CSMD1: variants seen among roughly 807,000 people sequenced by gnomAD.
CSMD1 encodes the protein CUB and sushi domain-containing protein 1.
In CSMD1, 213 loss-of-function variants were observed where a neutral mutation model predicts 417.5. The ratio of observed to expected loss-of-function variants is 0.51; its 90% CI spans 0.46 to 0.57. The LOEUF is 0.57. Among genes scored for constraint, CSMD1 ranks in the 20% least tolerant of loss-of-function variants. The pLI, the probability that CSMD1 is intolerant of heterozygous loss-of-function variation, is 0.00. For missense variants in CSMD1, 6,923 were observed against 4,529.7 expected (o/e 1.53, Z -15.17); for synonymous variants, 2,862 against 1,736.8 (o/e 1.65, Z -16.11).
chr8:3,280,389 A>G (rs950161080), intron 26 of CSMD1, among the ~76,000 whole-genome samples: 2 of 152,234 alleles, frequency 1.3e-5, no homozygotes, highest in African/African-American at 2.4e-5. Context: ...TCACATTTCC[A>G]GAGTTGTAGT....
chr8:4,965,202 G>A (rs889339781), intron 1 of CSMD1, among the ~76,000 whole-genome samples: 1 of 152,148 alleles, frequency 6.6e-6, no homozygotes, highest in Non-Finnish European at 1.5e-5. Flanking sequence ...CACATGAAGG[G>A]CCTCTGATAT....
chr8:3,003,849 G>C (rs987227777), intron 52 of CSMD1, among the ~76,000 whole-genome samples: 1 of 152,152 alleles, frequency 6.6e-6, no homozygotes, highest in Admixed American at 6.5e-5. Context: ...AGACATTCTA[G>C]CCACAGAAAT....
intron 2 of CSMD1, among the ~76,000 whole-genome samples, chr8:4,584,555 C>G (rs1183929899): frequency 2.0e-5 from 3 of 152,120 alleles, no homozygotes; most frequent in African/African-American, 7.2e-5. Flanking sequence ...TTGCCTAGAA[C>G]CAGCTTCCGC....
intron 5 of CSMD1, among the ~76,000 whole-genome samples, chr8:3,928,336 G>A (rs531664782): frequency 6.6e-6 from 1 of 152,094 alleles, no homozygotes; most frequent in South Asian, 2.1e-4. Context: ...CCAGGACTGA[G>A]TGGTAAACAA....
chr8:3,319,579 G>A (rs1052129711), intron 23 of CSMD1, among the ~76,000 whole-genome samples: 9 of 151,908 alleles, frequency 5.9e-5, no homozygotes, highest in Admixed American at 2.0e-4. Context: ...AAACACTTCC[G>A]CACACATTCA....
At chr8:3,473,351 G>T (rs1191341570) in intron 11 of CSMD1, among the ~76,000 whole-genome samples, 1 of 152,134 alleles carries the variant, frequency 6.6e-6, no homozygotes, top group Non-Finnish European at 1.5e-5. Context: ...ATATTTATGA[G>T]AAGAACTGTA....
chr8:3,752,700 A>AAAAAC (rs1797417240), intron 6 of CSMD1, among the ~76,000 whole-genome samples: 3 of 151,004 alleles, frequency 2.0e-5, no homozygotes, highest in African/African-American at 4.9e-5. Context: ...AAAAAAAAAA[A>AAAAAC]AAAACATATT....
At chr8:3,641,790 CA>C (rs1409465702) in intron 7 of CSMD1, among the ~76,000 whole-genome samples, 20 of 152,186 alleles carry the variant, frequency 1.3e-4, no homozygotes, top group African/African-American at 4.8e-4. Flanking sequence ...TCCTGGTTCT[CA>C]AAAAACCATC....
chr8:3,793,229 T>C (rs1332074783), intron 5 of CSMD1, among the ~76,000 whole-genome samples: 1 of 152,228 alleles, frequency 6.6e-6, no homozygotes, highest in Non-Finnish European at 1.5e-5. Context: ...GTCTAAGTCC[T>C]GTTCCAGACC....
intron 3 of CSMD1, among the ~76,000 whole-genome samples, chr8:4,115,391 G>A (rs529065643): frequency 2.6e-5 from 4 of 152,120 alleles, no homozygotes; most frequent in African/African-American, 7.2e-5. Flanking sequence ...ATTTTCATAT[G>A]CACTAAGCCA....
chr8:3,913,581 C>T (rs370312458), intron 5 of CSMD1, among the ~76,000 whole-genome samples: 8 of 152,126 alleles, frequency 5.3e-5, no homozygotes, highest in African/African-American at 1.9e-4. Flanking sequence ...TCAGTGAGTT[C>T]CAGTGCATTT....
intron 1 of CSMD1, among the ~76,000 whole-genome samples, chr8:4,671,503 T>G (rs991606759): frequency 6.6e-6 from 1 of 152,202 alleles, no homozygotes; most frequent in Non-Finnish European, 1.5e-5. Flanking sequence ...ATAGCAGTGA[T>G]GTCGGCAAAG....
intron 2 of CSMD1, among the ~76,000 whole-genome samples, chr8:4,516,200 C>G (rs978262614): frequency 6.6e-5 from 10 of 152,040 alleles, no homozygotes; most frequent in Admixed American, 6.6e-4. Context: ...GATAAGAACC[C>G]AGACACACAC....
In CSMD1 at chr8:3,075,857, T is replaced by C. The variant is rs576663771; in HGVS notation, c.7474+11240A>G. ...GAGATCGAGACCATCCTGGGTAACA[T>C]GGGGAAACACTGTCTCTACTAAAAA... On this transcript the variant is annotated intron_variant, in intron 49 of 69. Transcript: ENST00000635120. Among the ~76,000 whole-genome samples the C allele has an allele frequency of 1.3e-4, 18 of 143,274 alleles. No individual in the cohort carries two copies. The South Asian group carries it at 1.5e-3, about 12-fold the overall frequency. 94.0% of individuals were successfully genotyped at this position (143,274 alleles called of 152,430 possible). A position where few individuals can be genotyped will look rare whatever the true frequency, so the allele number is the denominator to read the frequency against.
intron 21 of CSMD1, among the ~76,000 whole-genome samples, chr8:3,352,621 C>T (rs1808492006): frequency 6.6e-6 from 1 of 152,146 alleles, no homozygotes; most frequent in Admixed American, 6.5e-5. Flanking sequence ...AGGCAGATCA[C>T]CTGAAGTCAG....
At chr8:3,198,353 A>T (rs1796812673) in intron 33 of CSMD1, among the ~76,000 whole-genome samples, 1 of 152,218 alleles carries the variant, frequency 6.6e-6, no homozygotes, top group African/African-American at 2.4e-5. Context: ...CTTTGGTCTA[A>T]ACGTGATTCT....
chr8:4,405,762 G>C (rs547312924), intron 3 of CSMD1, among the ~76,000 whole-genome samples: 2 of 152,164 alleles, frequency 1.3e-5, no homozygotes, highest in Admixed American at 6.5e-5. Context: ...CCCAGAAACA[G>C]TTTAAGCTGT....
chr8:4,939,333 C>T (rs578081991), intron 1 of CSMD1, among the ~76,000 whole-genome samples: 25 of 152,266 alleles, frequency 1.6e-4, no homozygotes, highest in Admixed American at 1.0e-3. Context: ...TATGTCGAGG[C>T]GGTATCTGCA....
intron 30 of CSMD1, among the ~76,000 whole-genome samples, chr8:3,209,633 AATTGTT>A (rs1267127322): frequency 6.6e-6 from 1 of 152,176 alleles, no homozygotes; most frequent in African/African-American, 2.4e-5. Context: ...AATTCTTAAT[AATTGTT>A]ATGTCTGCAT....
Sources: allele counts gnomAD v4.1 joint callset (sites outside exome capture counted in the v4.1 genomes callset), GRCh38; gene constraint gnomAD v4.1.1; transcripts MANE v1.5; gene names NCBI Gene and HGNC (gene_info 2026-07-23, HGNC 2026-07-21).